IMMP2L: variants seen among roughly 807,000 people sequenced by gnomAD.
IMMP2L encodes the protein mitochondrial inner membrane protease subunit 2.
A neutral mutation model predicts 19.3 loss-of-function variants in IMMP2L; 18 were observed. The ratio of observed to expected loss-of-function variants is 0.93; its 90% CI spans 0.64 to 1.38. IMMP2L has a LOEUF of 1.38. Among genes scored for constraint, IMMP2L ranks in the 40% most tolerant of loss-of-function variants. The pLI, the probability that IMMP2L is intolerant of heterozygous loss-of-function variation, is 0.00. For synonymous variants in IMMP2L, 76 were observed against 73.0 expected (o/e 1.04, Z -0.21); for missense variants, 233 against 218.2 (o/e 1.07, Z -0.43).
intron 3 of IMMP2L, among the ~76,000 whole-genome samples, chr7:110,973,249 T>C (rs61618404): frequency 0.02 from 3,017 of 152,298 alleles, 59 homozygotes; most frequent in Middle Eastern, 0.078. Context: ...TCTCACAATG[T>C]GTGCATATGT....
chr7:111,254,004 G>A (rs1296265057), intron 3 of IMMP2L, among the ~76,000 whole-genome samples: 3 of 152,076 alleles, frequency 2.0e-5, no homozygotes, highest in Non-Finnish European at 4.4e-5. Context: ...AATATTTATG[G>A]AAATTATCTA....
intron 3 of IMMP2L, among the ~76,000 whole-genome samples, chr7:111,092,958 T>A (rs1159620011): frequency 6.6e-6 from 1 of 152,200 alleles, no homozygotes; most frequent in Non-Finnish European, 1.5e-5. Context: ...ATTTCAGAGC[T>A]ATTATTGGTT....
At chr7:111,022,650 T>A (rs1563168746) in intron 3 of IMMP2L, among the ~76,000 whole-genome samples, 1 of 152,180 alleles carries the variant, frequency 6.6e-6, no homozygotes, top group Non-Finnish European at 1.5e-5. Flanking sequence ...AACACTGATC[T>A]ACCCTCACAA....
intron 5 of IMMP2L, among the ~76,000 whole-genome samples, chr7:110,818,033 C>A (rs1234982133): frequency 3.3e-5 from 5 of 151,976 alleles, no homozygotes; most frequent in Non-Finnish European, 7.4e-5. Flanking sequence ...TAGGCATTAC[C>A]ATTCAGGACA....
At chr7:111,494,090 T>C (rs1390246116) in intron 2 of IMMP2L, among the ~76,000 whole-genome samples, 1 of 152,226 alleles carries the variant, frequency 6.6e-6, no homozygotes, top group Non-Finnish European at 1.5e-5. Flanking sequence ...TAATTTGATA[T>C]GGCCACAGAA....
chr7:111,241,154 T>G (rs1299962738), intron 3 of IMMP2L, among the ~76,000 whole-genome samples: 1 of 151,978 alleles, frequency 6.6e-6, no homozygotes, highest in Non-Finnish European at 1.5e-5. Context: ...TTCAAAAAAC[T>G]ATTAATTTAA....
At chr7:111,110,949 A>C (rs1799122448) in intron 3 of IMMP2L, among the ~76,000 whole-genome samples, 1 of 152,182 alleles carries the variant, frequency 6.6e-6, no homozygotes, top group South Asian at 2.1e-4. Context: ...TATCCATAAA[A>C]ATGTATTAAA....
At chr7:111,082,874 A>T (rs867099840) in intron 3 of IMMP2L, among the ~76,000 whole-genome samples, 3 of 151,154 alleles carry the variant, frequency 2.0e-5, no homozygotes, top group Non-Finnish European at 3.0e-5. Context: ...AAAAAAAAAA[A>T]TGACACGTGT....
chr7:111,233,965 C>T (rs1814004907), intron 3 of IMMP2L, among the ~76,000 whole-genome samples: 1 of 151,994 alleles, frequency 6.6e-6, no homozygotes, highest in Non-Finnish European at 1.5e-5. Flanking sequence ...AATTTCTCCC[C>T]ACAAGCAGAA....
chr7:111,209,654 C>T (rs1811104606), intron 3 of IMMP2L, among the ~76,000 whole-genome samples: 1 of 152,078 alleles, frequency 6.6e-6, no homozygotes, highest in Admixed American at 6.5e-5. Context: ...GAGCAAATGA[C>T]TTTTTCAAAA....
chr7:111,496,056 T>C (rs1843564718), intron 2 of IMMP2L, among the ~76,000 whole-genome samples: 1 of 152,164 alleles, frequency 6.6e-6, no homozygotes, highest in African/African-American at 2.4e-5. Flanking sequence ...ACTGTTGATT[T>C]AGACTTTTTA....
chr7:110,851,537 T>G (rs1806226836), intron 5 of IMMP2L, among the ~76,000 whole-genome samples: 1 of 152,144 alleles, frequency 6.6e-6, no homozygotes, highest in Non-Finnish European at 1.5e-5. Flanking sequence ...TGCTTGATAC[T>G]GAGCAGTGGT....
At chr7:110,781,631 T>C (rs1229794427) in intron 5 of IMMP2L, among the ~76,000 whole-genome samples, 2 of 151,830 alleles carry the variant, frequency 1.3e-5, no homozygotes, top group African/African-American at 4.8e-5. Context: ...TTCATTTTCC[T>C]ACGTTCAGAT....
At chr7:111,195,302 C>A (rs1307030531) in intron 3 of IMMP2L, among the ~76,000 whole-genome samples, 4 of 152,026 alleles carry the variant, frequency 2.6e-5, no homozygotes, top group Non-Finnish European at 5.9e-5. Context: ...AGGCTAGAAA[C>A]AAATTTTTTT....
At chr7:111,105,536 G>T (rs904332933) in intron 3 of IMMP2L, among the ~76,000 whole-genome samples, 1 of 151,830 alleles carries the variant, frequency 6.6e-6, no homozygotes, top group Non-Finnish European at 1.5e-5. Flanking sequence ...TCACAAAAAT[G>T]GGTTGCTGTA....
intron 1 of IMMP2L, among the ~76,000 whole-genome samples, chr7:111,542,588 A>C (rs999944063): frequency 2.6e-5 from 4 of 152,094 alleles, no homozygotes; most frequent in Non-Finnish European, 5.9e-5. Flanking sequence ...ACTCCCAATA[A>C]ATATTCAACA....
intron 3 of IMMP2L, among the ~76,000 whole-genome samples, chr7:111,203,236 T>C (rs906457933): frequency 6.6e-6 from 1 of 152,124 alleles, no homozygotes; most frequent in Non-Finnish European, 1.5e-5. Flanking sequence ...ATTCATTCAA[T>C]AAACATTTAT....
At chr7:110,958,614 C>T (rs1818607898) in intron 4 of IMMP2L, among the ~76,000 whole-genome samples, 1 of 133,246 alleles carries the variant, frequency 7.5e-6, no homozygotes. Flanking sequence ...AAGCCCTTAC[C>T]AACAGGTTCC....
chr7:111,205,638 AAATAAAAATT>A (rs1810618576), intron 3 of IMMP2L, among the ~76,000 whole-genome samples: 1 of 152,164 alleles, frequency 6.6e-6, no homozygotes, highest in South Asian at 2.1e-4. Flanking sequence ...AAAAAACATT[AAATAAAAATT>A]AATAATAACA....
Sources: allele counts gnomAD v4.1 joint callset (sites outside exome capture counted in the v4.1 genomes callset), GRCh38; gene constraint gnomAD v4.1.1; transcripts MANE v1.5; gene names NCBI Gene and HGNC (gene_info 2026-07-23, HGNC 2026-07-21).